SGK3: variants seen among roughly 807,000 people sequenced by gnomAD.
The protein encoded by SGK3 is serum/glucocorticoid regulated kinase family member 3.
Under a neutral mutation model 68.5 loss-of-function variants are expected in SGK3, and 47 were observed. The observed-to-expected ratio is 0.69, with a 90% CI of 0.54 to 0.87. SGK3 has a LOEUF of 0.87. SGK3 is among the 40% of genes least tolerant of loss of function. SGK3 has a pLI of 0.00. For missense variants in SGK3, 479 were observed against 575.5 expected (o/e 0.83, Z 1.72); for synonymous variants, 181 against 189.1 (o/e 0.96, Z 0.35).
chr8:66,843,342 T>G (rs1809870720), intron 13 of SGK3, 110 bp from the exon 14 acceptor site: 1 of 936,750 alleles, frequency 1.1e-6, no homozygotes, highest in African/African-American at 1.7e-5. Context: ...CTAGATAATT[T>G]GGTTTCAGTA....
chr8:66,805,297 A>T (rs899991310), intron 4 of SGK3, among the ~76,000 whole-genome samples: 9 of 152,108 alleles, frequency 5.9e-5, no homozygotes, highest in African/African-American at 1.9e-4. Context: ...AGGCAGGTGG[A>T]TCACAAGGTC....
chr8:66,738,290 C>T (rs1403188970), intron 1 of SGK3, among the ~76,000 whole-genome samples: 1 of 152,152 alleles, frequency 6.6e-6, no homozygotes, highest in Non-Finnish European at 1.5e-5. Flanking sequence ...TGATGTTCTG[C>T]TTCTTTCAGT....
intron 1 of SGK3, among the ~76,000 whole-genome samples, chr8:66,743,360 T>G (rs372326936): frequency 6.6e-6 from 1 of 152,358 alleles, no homozygotes; most frequent in African/African-American, 2.4e-5. Flanking sequence ...GGTCAAATAA[T>G]TTGAAAAGTA....
At chr8:66,839,537 A>ATATATATG (rs1809698794) in intron 10 of SGK3, among the ~76,000 whole-genome samples, 1 of 76,090 alleles carries the variant, frequency 1.3e-5, no homozygotes, top group South Asian at 3.9e-4. Context: ...ATATATATAT[A>ATATATATG]TATATATATA....
intron 15 of SGK3, among the ~76,000 whole-genome samples, chr8:66,849,340 GCTA>G (rs1810168036): frequency 6.6e-6 from 1 of 152,034 alleles, no homozygotes; most frequent in South Asian, 2.1e-4. Flanking sequence ...TGTCCATGTG[GCTA>G]TTCTGGCCAG....
intron 1 of SGK3, among the ~76,000 whole-genome samples, chr8:66,734,392 G>A (rs988135602): frequency 1.3e-5 from 2 of 151,860 alleles, no homozygotes; most frequent in Non-Finnish European, 2.9e-5. Context: ...CTTAAAAATT[G>A]TAAAAATTGT....
At chr8:66,858,886 A>G (rs1449738699) in intron 16 of SGK3, among the ~76,000 whole-genome samples, 1 of 152,290 alleles carries the variant, frequency 6.6e-6, no homozygotes, top group East Asian at 1.9e-4. Flanking sequence ...GGACCAAAAG[A>G]TTGGACACCC....
chr8:66,787,250 G>A lies in SGK3; in HGVS notation c.-121-6366G>A, dbSNP rs556337082. 2.6e-5 allele frequency among the ~76,000 whole-genome samples: 4 copies of A among 152,100 alleles called. No individual in the cohort carries two copies. In the East Asian group the frequency reaches 7.7e-4, roughly 29 times the overall value. ...AACCACTGTGCCCAGCCTTCACTTT[G>A]TCTTTTTATTGCCTAGTGCATGATG... On this transcript the variant is annotated intron_variant, in intron 1 of 16. Transcript: ENST00000521198.
At chr8:66,756,074 T>C (rs1805964534) in intron 1 of SGK3, among the ~76,000 whole-genome samples, 5 of 152,142 alleles carry the variant, frequency 3.3e-5, no homozygotes, top group Non-Finnish European at 7.4e-5. Context: ...TGAGGTCCTA[T>C]GGGTGGGCCC....
chr8:66,839,641 G>A (rs2130721315), intron 10 of SGK3, among the ~76,000 whole-genome samples: 1 of 146,652 alleles, frequency 6.8e-6, no homozygotes, highest in South Asian at 2.2e-4. Context: ...GGAAAACATA[G>A]TCCAGAAAGG....
intron 1 of SGK3, among the ~76,000 whole-genome samples, chr8:66,714,083 T>G (rs1379190275): frequency 6.6e-6 from 1 of 152,260 alleles, no homozygotes; most frequent in Non-Finnish European, 1.5e-5. Context: ...TAACTGCCAC[T>G]GCATGGAGCC....
chr8:66,780,630 G>A (rs1806933664), intron 1 of SGK3, among the ~76,000 whole-genome samples: 1 of 152,158 alleles, frequency 6.6e-6, no homozygotes, highest in Non-Finnish European at 1.5e-5. Context: ...TGCGAAATAG[G>A]AAGGAGTTTG....
chr8:66,768,455 G>T, intron 1 of SGK3, among the ~76,000 whole-genome samples: 1 of 149,990 alleles, frequency 6.7e-6, no homozygotes, highest in Non-Finnish European at 1.5e-5. Context: ...TCTTTATATA[G>T]CTTTACATAT....
At chr8:66,794,493 C>T (rs1807594167) in intron 2 of SGK3, among the ~76,000 whole-genome samples, 1 of 151,410 alleles carries the variant, frequency 6.6e-6, no homozygotes, top group Admixed American at 6.6e-5. Flanking sequence ...AAAAAAAAGC[C>T]ACTTATTGTG....
intron 1 of SGK3, among the ~76,000 whole-genome samples, chr8:66,757,033 A>G (rs959367488): frequency 3.9e-5 from 6 of 151,912 alleles, no homozygotes; most frequent in Admixed American, 3.3e-4. Context: ...GCCTAGAAGG[A>G]TGTTTTTCTA....
intron 6 of SGK3, 36 bp downstream of exon 6, chr8:66,822,495 T>G (rs374276019): frequency 1.3e-6 from 2 of 1,591,096 alleles, no homozygotes; most frequent in Non-Finnish European, 1.7e-6. Context: ...ATAGAAAAAA[T>G]ACTATTCCAA....
Position 66,859,621 on chromosome 8 carries a change from A to G in SGK3, c.*40A>G, listed in dbSNP as rs771480793. ...AGAAACCATTGAGCAAAATAAGTCT[A>G]TAGATGGGACTGAAACTTCTATTTG... On this transcript the variant is annotated 3_prime_UTR_variant, in exon 17 of 17. Coordinates refer to ENST00000521198, the MANE Select transcript of SGK3 (RefSeq NM_001033578.3). The G allele has an allele frequency of 1.9e-6, 3 of 1,565,948 alleles. No individual in the cohort carries two copies. The South Asian group carries it at 3.6e-5, about 19-fold the overall frequency.
chr8:66,744,708 G>C (rs1805599038), intron 1 of SGK3, among the ~76,000 whole-genome samples: 3 of 150,148 alleles, frequency 2.0e-5, no homozygotes, highest in Non-Finnish European at 4.4e-5. Context: ...GTTTCACCAT[G>C]TTGGCCAGGC....
chr8:66,811,226 C>T (rs1042267050), intron 4 of SGK3, among the ~76,000 whole-genome samples: 2 of 152,062 alleles, frequency 1.3e-5, no homozygotes, highest in Admixed American at 1.3e-4. Context: ...CTATGTTGTC[C>T]AGGCTAGTCT....
Sources: allele counts gnomAD v4.1 joint callset (sites outside exome capture counted in the v4.1 genomes callset), GRCh38; gene constraint gnomAD v4.1.1; transcripts MANE v1.5; gene names NCBI Gene and HGNC (gene_info 2026-07-23, HGNC 2026-07-21).